PDPR: variants seen among roughly 807,000 people sequenced by gnomAD.
The protein encoded by PDPR is pyruvate dehydrogenase phosphatase regulatory subunit, mitochondrial.
A neutral mutation model predicts 102.2 loss-of-function variants in PDPR; 50 were observed. The ratio of observed to expected loss-of-function variants is 0.49; its 90% CI spans 0.39 to 0.62. The LOEUF (loss-of-function observed/expected upper bound fraction) is 0.62, where lower values mean the gene tolerates loss of function less well. Ranked by LOEUF, PDPR falls within the 20% of genes least tolerant of loss-of-function variation. The pLI is 0.00. For synonymous variants in PDPR, 259 were observed against 406.0 expected, an observed-to-expected ratio of 0.64 and a Z score of 4.35; for missense variants, 625 against 1,098.2, an observed-to-expected ratio of 0.57 and a Z score of 6.09.
At chr16:70,130,019 G>A (rs540554087) in intron 6 of PDPR, among the ~76,000 whole-genome samples, 30 of 152,356 alleles carry the variant, frequency 2.0e-4, no homozygotes, top group Non-Finnish European at 3.5e-4. Flanking sequence ...TGAGCCGGGC[G>A]TGGTGTCTCA....
At chr16:70,130,593 AT>A (rs762366890) in intron 7 of PDPR, 49 bp downstream of exon 7, 4 of 1,610,586 alleles carry the variant, frequency 2.5e-6, no homozygotes, top group East Asian at 2.2e-5. Context: ...TGTCTCCAAG[AT>A]TTTTTTGGTG....
chr16:70,143,584 T>C lies in PDPR; in HGVS notation c.1680T>C (p.Ile560=), dbSNP rs1401654872. Residue 560 remains isoleucine (I), a synonymous_variant, in exon 14 of 19, where the codon ATT becomes ATC. Coordinates refer to ENST00000288050, the MANE Select transcript of PDPR (RefSeq NM_017990.5). ...ACCTGGATGTGCCTGTGGGCCACAT[T>C]GTGCATACTGGCATGCTCAACGAGG... ...SNDLDVPVGH[I]VHTGMLNEGG... is the part of the protein sequence containing the mutation. 2.5e-6 allele frequency: 4 copies of C among 1,612,768 alleles called. No individual in the cohort carries two copies. In the African/African-American group the frequency reaches 5.3e-5, roughly 22 times the overall value.
rs970896133 is a variant in PDPR at position 70,159,433 on chromosome 16, G to C, written c.*2554G>C. Reference sequence around the variant, plus strand: ...GTCATACTCCTAAGACTGATGGGGTGTTGATCTTCTAGGACATCACTTGTT... The same window carrying C: ...GTCATACTCCTAAGACTGATGGGGTCTTGATCTTCTAGGACATCACTTGTT... On this transcript the variant is annotated 3_prime_UTR_variant, in exon 19 of 19. Coordinates refer to ENST00000288050, the MANE Select transcript of PDPR (RefSeq NM_017990.5). The C allele has an allele frequency of 1.3e-5, 2 of 152,584 alleles. No homozygotes were observed. Among genetic ancestry groups the C allele is most frequent in the Non-Finnish European group, 2.9e-5 (2 of 68,246 alleles). The allele number at this position is 152,584 out of a possible 1,614,324, so 9.5% of individuals were successfully genotyped here. A position where few individuals can be genotyped will look rare whatever the true frequency, so the allele number is the denominator to read the frequency against.
intron 9 of PDPR, among the ~76,000 whole-genome samples, chr16:70,133,816 G>C (rs55675342): frequency 2.0e-5 from 3 of 151,126 alleles, no homozygotes; most frequent in Non-Finnish European, 4.4e-5. Context: ...TCACCGCAAC[G>C]TCTGCCTCCC....
rs1046307243 is a variant in PDPR at position 70,158,798 on chromosome 16, G to C, written c.*1919G>C. 4 of 152,940 alleles carry C rather than the reference G, an allele frequency of 2.6e-5. No homozygotes were observed. The highest frequency in any genetic ancestry group is 9.6e-5 in the African/African-American group (4 of 41,488). 9.5% of individuals were successfully genotyped at this position (152,940 alleles called of 1,614,324 possible). A position where few individuals can be genotyped will look rare whatever the true frequency, so the allele number is the denominator to read the frequency against. ...ATGCAGGCATTACCAGCAGGGAGCAGACTTACCTCCGAAGATGGAGACAGG... is the reference window on the plus strand; with the variant it reads ...ATGCAGGCATTACCAGCAGGGAGCACACTTACCTCCGAAGATGGAGACAGG... On this transcript the variant is annotated 3_prime_UTR_variant, in exon 19 of 19. Transcript: ENST00000288050.
In PDPR at chr16:70,146,185, A is replaced by T. The variant is rs2287978; in HGVS notation, c.1919A>T (p.Tyr640Phe). Residue 640 changes from tyrosine to phenylalanine, a missense_variant, in exon 16 of 19, where the codon TAT (tyrosine) becomes TTT (phenylalanine). Around this residue, in one of 11 missense-constraint regions of PDPR, gnomAD observed 36 missense variants for 62.8 expected, o/e 0.57. Transcript: ENST00000288050. ...GTGGATGTGCTGTCTGAGTTGTCCTATGCCCCTATGACTCCAGACCACTTC... is the reference window on the plus strand; with the variant it reads ...GTGGATGTGCTGTCTGAGTTGTCCTTTGCCCCTATGACTCCAGACCACTTC... Reference protein sequence around the residue: ...RAVDVLSELSYAPMTPDHFPS... With the variant: ...RAVDVLSELSFAPMTPDHFPS... The T allele has an allele frequency of 0.12, 192,141 of 1,603,858 alleles. 8,369 individuals carry two copies. The highest frequency in any genetic ancestry group is 0.16 in the East Asian group (7,173 of 44,800).
intron 10 of PDPR, among the ~76,000 whole-genome samples, chr16:70,137,897 A>G (rs1440373330): frequency 1.3e-5 from 2 of 152,254 alleles, no homozygotes; most frequent in Non-Finnish European, 2.9e-5. Context: ...TTGAAACAAG[A>G]TCTTACTCTC....
In PDPR at chr16:70,142,592, C is replaced by T. The variant is rs1366339746; in HGVS notation, c.1511C>T (p.Pro504Leu). ...GAGCAGAGCAAGACTTTCTATAAGC[C>T]AGATTGGTTTGACATCGTGGAGTCT... ...ALEQSKTFYKPDWFDIVESEV... is the reference protein window; with the variant it reads ...ALEQSKTFYKLDWFDIVESEV... The change falls in exon 13 of 19, where the codon CCA becomes CTA. Residue 504 changes from proline (P) to leucine (L), a missense_variant. By Grantham distance (98) the Pro-to-Leu change is moderately conservative. This residue lies in a region of PDPR where 28 missense variants were observed against 141.2 expected (regional missense o/e 0.20). Transcript: ENST00000288050. 3 of 1,613,956 alleles carry T rather than the reference C, an allele frequency of 1.9e-6. No individual in the cohort carries two copies. The Admixed American group carries it at 5.0e-5, about 27-fold the overall frequency.
intron 2 of PDPR, among the ~76,000 whole-genome samples, chr16:70,118,423 G>A (rs1167760126): frequency 2.6e-5 from 4 of 152,254 alleles, no homozygotes; most frequent in Non-Finnish European, 5.9e-5. Flanking sequence ...GTCTGCCTGT[G>A]GCTTAACATG....
intron 17 of PDPR, among the ~76,000 whole-genome samples, chr16:70,152,384 C>T (rs1428764407): frequency 5.9e-5 from 9 of 152,372 alleles, no homozygotes; most frequent in Non-Finnish European, 1.2e-4. Flanking sequence ...CTGGGTGTGG[C>T]GGCAGCCACC....
intron 3 of PDPR, 82 bp downstream of exon 3, chr16:70,120,801 A>C: frequency 1.1e-6 from 1 of 877,338 alleles, no homozygotes. Flanking sequence ...ATACTGCCCC[A>C]CCAGTAGCTA....
chr16:70,115,529 C>T (rs1233183867), intron 2 of PDPR, among the ~76,000 whole-genome samples: 1 of 152,202 alleles, frequency 6.6e-6, no homozygotes, highest in Non-Finnish European at 1.5e-5. Flanking sequence ...CCGTGGGAAT[C>T]TGTCATTTTT....
In PDPR at chr16:70,158,062, A is replaced by G. The variant is rs575233455; in HGVS notation, c.*1183A>G. The G allele has an allele frequency of 1.5e-3, 225 of 153,474 alleles. No individual in the cohort carries two copies. The highest frequency in any genetic ancestry group is 2.8e-3 in the Non-Finnish European group (191 of 68,904). 9.5% of individuals were successfully genotyped at this position (153,474 alleles called of 1,614,324 possible). A position where few individuals can be genotyped will look rare whatever the true frequency, so the allele number is the denominator to read the frequency against. On this transcript the variant is annotated 3_prime_UTR_variant, in exon 19 of 19. Coordinates refer to ENST00000288050, the MANE Select transcript of PDPR (RefSeq NM_017990.5). ...TCTGAGTCCAAAGGGTGTACGTTGCATAAGGCTAGAGACCGCTTTTCCTCC... is the reference window on the plus strand; with the variant it reads ...TCTGAGTCCAAAGGGTGTACGTTGCGTAAGGCTAGAGACCGCTTTTCCTCC...
intron 16 of PDPR, among the ~76,000 whole-genome samples, chr16:70,146,636 G>A (rs1966263387): frequency 1.0e-5 from 1 of 96,602 alleles, no homozygotes; most frequent in Non-Finnish European, 2.1e-5. Context: ...GAGTGTGCTG[G>A]CCAGGTGCAG....
chr16:70,122,962 G>A (rs1450893938), intron 3 of PDPR, among the ~76,000 whole-genome samples: 9 of 151,642 alleles, frequency 5.9e-5, no homozygotes, highest in South Asian at 2.1e-4. Context: ...GTGCAGTGAC[G>A]TGATCTCGGC....
At chr16:70,136,771 C>T (rs1158326261) in intron 10 of PDPR, among the ~76,000 whole-genome samples, 1 of 152,208 alleles carries the variant, frequency 6.6e-6, no homozygotes, top group East Asian at 1.9e-4. Flanking sequence ...TTTAGACAGT[C>T]TTGCTCTGTC....
chr16:70,125,549 TC>T (rs759474004), intron 3 of PDPR, among the ~76,000 whole-genome samples: 10,085 of 111,592 alleles, frequency 0.09, 1 homozygote, highest in Non-Finnish European at 0.11. Flanking sequence ...GGAAACTGCG[TC>T]TCAAAAAAAA....
chr16:70,134,578 A>T (rs1389019013), intron 9 of PDPR, among the ~76,000 whole-genome samples: 3 of 148,476 alleles, frequency 2.0e-5, no homozygotes, highest in African/African-American at 2.5e-5. Flanking sequence ...AGATCGCCTG[A>T]GGTCAGGAGT....
intron 17 of PDPR, among the ~76,000 whole-genome samples, chr16:70,150,091 C>CTT (rs59657802): frequency 1.5e-5 from 2 of 136,334 alleles, no homozygotes; most frequent in African/African-American, 2.8e-5. Context: ...ACCCGGCCGG[C>CTT]TTTTTTTTTT....
Sources: gnomAD v4.1 joint callset for allele counts (sites outside exome capture counted in the v4.1 genomes callset) on GRCh38, gnomAD v4.1.1 for gene constraint, gnomAD v4.1.1 regional missense constraint, MANE v1.5 for transcripts, NCBI Gene and HGNC (gene_info 2026-07-23, HGNC 2026-07-21) for gene names.